BMS1: variants seen among roughly 807,000 people sequenced by gnomAD.
The protein encoded by BMS1 is ribosome biogenesis protein BMS1 homolog.
In BMS1, 53 loss-of-function variants were observed where a neutral mutation model predicts 138.7. The ratio of observed to expected loss-of-function variants is 0.38; its 90% CI spans 0.31 to 0.48. The LOEUF is 0.48. Ranked by LOEUF, BMS1 falls within the 20% of genes least tolerant of loss-of-function variation. The pLI, the probability that BMS1 is intolerant of heterozygous loss-of-function variation, is 0.97. For synonymous variants in BMS1, 504 were observed against 539.9 expected (o/e 0.93, Z 0.92); for missense variants, 1,360 against 1,565.5 (o/e 0.87, Z 2.22).
At chr10:42,802,759 C>T (rs1348427977) in intron 13 of BMS1, among the ~76,000 whole-genome samples, 1 of 150,492 alleles carries the variant, frequency 6.6e-6, no homozygotes, top group Non-Finnish European at 1.5e-5. Flanking sequence ...TCAAATATTT[C>T]ATTTTTATTA....
In BMS1 at chr10:42,796,646, G is replaced by A. The variant is rs765380765; in HGVS notation, c.1402G>A (p.Glu468Lys). 5.9e-5 allele frequency: 96 copies of A among 1,614,084 alleles called. No homozygotes were observed. The highest frequency in any genetic ancestry group is 7.7e-5 in the Non-Finnish European group (91 of 1,180,046). ...CTCTAGTGATGAGGAAGCAGAAGAG[G>A]AGGAAAATGCTGAGATGACTGATCA... is the stretch of plus-strand genomic sequence containing the variant. ...NGSSDEEAEE[E>K]ENAEMTDQYM... The change falls in exon 10 of 23, where the codon GAG (glutamate) becomes AAG (lysine). Residue 468 changes from glutamate to lysine, a missense_variant. Glu to Lys is a moderately conservative substitution (Grantham distance 56). Around this residue, in one of 3 missense-constraint regions of BMS1, gnomAD observed 697 missense variants for 686.2 expected, o/e 1.02. Coordinates refer to ENST00000374518, the MANE Select transcript of BMS1 (RefSeq NM_014753.4).
In BMS1 at chr10:42,796,470, A is replaced by G; in HGVS notation, c.1230-4A>G. ...AATTATTTTGTATTTCCTTGGTAAT[A>G]CAGGCTAATGATGCCAAAGGAGGAA... On this transcript the variant is annotated splice_polypyrimidine_tract_variant and splice_region_variant and intron_variant, in intron 9 of 22. Coordinates refer to ENST00000374518, the MANE Select transcript of BMS1 (RefSeq NM_014753.4). 1 of 1,605,888 alleles carries G rather than the reference A, an allele frequency of 6.2e-7. No homozygotes were observed. Among genetic ancestry groups the G allele is most frequent in the Non-Finnish European group, 8.5e-7 (1 of 1,173,702 alleles).
chr10:42,793,793 C>T (rs776135850), intron 8 of BMS1, 59 bp from the exon 9 acceptor site: 10 of 1,543,486 alleles, frequency 6.5e-6, no homozygotes, highest in Middle Eastern at 2.4e-4. Flanking sequence ...GAGTGAAGCT[C>T]GTGTCTCTCC....
Position 42,823,745 on chromosome 10 carries a change from T to C in BMS1, c.3417T>C (p.His1139=). ...CCACGGGCCAACTCAGGCTCGCCCA[T>C]GGCGTCAGACTAAAGGCGAACAAGG... ...MRTTGQLRLA[H]GVRLKANKDS... is the part of the protein sequence containing the mutation. The change falls in exon 21 of 23, where the codon CAT becomes CAC. Residue 1139 remains histidine (H), a synonymous_variant. Transcript: ENST00000374518. 1 of 1,595,636 alleles carries C rather than the reference T, an allele frequency of 6.3e-7. No individual in the cohort carries two copies. Among genetic ancestry groups the C allele is most frequent in the Non-Finnish European group, 8.5e-7 (1 of 1,179,490 alleles).
intron 4 of BMS1, among the ~76,000 whole-genome samples, chr10:42,789,455 T>C (rs769536425): frequency 3.3e-5 from 5 of 152,220 alleles, no homozygotes; most frequent in African/African-American, 4.8e-5. Context: ...AGAACAGAAA[T>C]GTTTTTAATA....
chr10:42,796,204 T>C (rs1249873210), intron 9 of BMS1, among the ~76,000 whole-genome samples: 2 of 152,220 alleles, frequency 1.3e-5, no homozygotes, highest in Non-Finnish European at 2.9e-5. Flanking sequence ...TTTTGAGCAA[T>C]TTTTTTCTAA....
At chr10:42,825,682 T>C (rs531379559) in intron 21 of BMS1, among the ~76,000 whole-genome samples, 5 of 152,360 alleles carry the variant, frequency 3.3e-5, no homozygotes, top group African/African-American at 1.2e-4. Flanking sequence ...TTCTCACACT[T>C]TTTTGTGGAA....
At chr10:42,827,279 G>T (rs1842675142) in intron 21 of BMS1, among the ~76,000 whole-genome samples, 1 of 152,134 alleles carries the variant, frequency 6.6e-6, no homozygotes, top group African/African-American at 2.4e-5. Context: ...TCAGACACAA[G>T]CAGGGTGAGC....
Position 42,818,110 on chromosome 10 carries a change from G to A in BMS1, c.2580+616G>A, listed in dbSNP as rs531939472. ...AGTTGATGGTGAGCATCTGAGTTGC[G>A]TCTTGTTAGTGAGGCCAGGAGTGCC... On this transcript the variant is annotated intron_variant, in intron 15 of 22. Transcript: ENST00000374518. 3.9e-5 allele frequency among the ~76,000 whole-genome samples: 6 copies of A among 152,284 alleles called. No homozygotes were observed. In the South Asian group the frequency reaches 6.2e-4, roughly 16 times the overall value.
rs755782637 is a variant in BMS1, at chr10:42,784,386, A to G, written c.-9A>G. Reference sequence around the variant, plus strand: ...GGTTAGAGTTACTTGTTATTGGTAAATAGCCACTATGGAGGCTAAGGACCA... The same window carrying G: ...GGTTAGAGTTACTTGTTATTGGTAAGTAGCCACTATGGAGGCTAAGGACCA... On this transcript the variant is annotated 5_prime_UTR_variant, in exon 2 of 23. Transcript: ENST00000374518. 2 of 1,590,722 alleles carry G rather than the reference A, an allele frequency of 1.3e-6. No individual in the cohort carries two copies. The highest frequency in any genetic ancestry group is 1.8e-5 in the Admixed American group (1 of 57,056).
intron 13 of BMS1, among the ~76,000 whole-genome samples, chr10:42,814,256 C>T (rs1229331234): frequency 1.3e-5 from 2 of 152,140 alleles, no homozygotes; most frequent in East Asian, 1.9e-4. Flanking sequence ...CCCACAGGTC[C>T]GTGCAGCTCT....
At chr10:42,812,407 T>C (rs1165828974) in intron 13 of BMS1, among the ~76,000 whole-genome samples, 20 of 152,234 alleles carry the variant, frequency 1.3e-4, no homozygotes, top group Non-Finnish European at 5.9e-5. Flanking sequence ...CCCAGAGTGC[T>C]GGGATTACAG....
Position 42,798,601 on chromosome 10 carries a change from C to G in BMS1, c.2223C>G (p.Ala741=), listed in dbSNP as rs754146215. ...SLDCSRFLVE[A]PHDWDLEEVM... ...ACTGCTCCAGATTTCTTGTGGAGGC[C>G]CCCCATGACTGGGATTTAGAGGAGG... The change falls in exon 12 of 23, where the codon GCC becomes GCG. Residue 741 remains alanine, a synonymous_variant. Transcript: ENST00000374518. The G allele has an allele frequency of 4.3e-6, 7 of 1,614,168 alleles. No individual in the cohort carries two copies. The highest frequency in any genetic ancestry group is 5.9e-6 in the Non-Finnish European group (7 of 1,180,036).
At position 42,797,473 on chromosome 10, in the gene BMS1, T is replaced by C; in HGVS notation, c.2039T>C (p.Leu680Pro). The change falls in exon 11 of 23, where the codon CTG becomes CCG. Residue 680 changes from leucine to proline, a missense_variant. This residue lies in a region of BMS1 where 697 missense variants were observed against 686.2 expected (regional missense o/e 1.02). Coordinates refer to ENST00000374518, the MANE Select transcript of BMS1 (RefSeq NM_014753.4). ...TCCAGAAAGGCAGCTGAGGCCTTTC[T>C]GAGGCAGCAGCAAGCAGCTCCAAAC... Reference protein sequence around the residue: ...DLSRKAAEAFLRQQQAAPNLR... With the variant: ...DLSRKAAEAFPRQQQAAPNLR... The C allele has an allele frequency of 6.2e-7, 1 of 1,614,248 alleles. No individual in the cohort carries two copies.
At position 42,793,070 on chromosome 10, in the gene BMS1, C is replaced by A. The variant is rs1171447997; in HGVS notation, c.1015C>A (p.Leu339Ile). The A allele has an allele frequency of 6.2e-7, 1 of 1,614,014 alleles. No individual in the cohort carries two copies. Among genetic ancestry groups the A allele is most frequent in the Non-Finnish European group, 8.5e-7 (1 of 1,179,956 alleles). ...GAAGGAGAAGCTGGTTTATGCGCCTCTTTCTGGAGTTGGGGGTGTGCTGTA... is the reference window on the plus strand; with the variant it reads ...GAAGGAGAAGCTGGTTTATGCGCCTATTTCTGGAGTTGGGGGTGTGCTGTA... ...NEKEKLVYAPLSGVGGVLYDK... is the reference protein window; with the variant it reads ...NEKEKLVYAPISGVGGVLYDK... Residue 339 changes from leucine to isoleucine, a missense_variant, in exon 8 of 23, where the codon CTT (leucine) becomes ATT (isoleucine). Around this residue, in one of 3 missense-constraint regions of BMS1, gnomAD observed 697 missense variants for 686.2 expected, o/e 1.02. Transcript: ENST00000374518.
Position 42,807,296 on chromosome 10 carries a change from CTA to C in BMS1, c.2329+5081_2329+5082del, listed in dbSNP as rs144901294. On this transcript the variant is annotated intron_variant, in intron 13 of 22. Coordinates refer to ENST00000374518, the MANE Select transcript of BMS1 (RefSeq NM_014753.4). ...TGTTAAATAAACAGAATCATACAGT[CTA>C]TAAACTTTTGTGAGGGGCTTTTTTC... 3.8e-3 allele frequency among the ~76,000 whole-genome samples: 585 copies of C among 152,306 alleles called. 6 individuals are homozygous for C. Among genetic ancestry groups the C allele is most frequent in the African/African-American group, 0.013 (539 of 41,554 alleles).
intron 21 of BMS1, 61 bp downstream of exon 21, chr10:42,823,845 C>T: frequency 7.7e-7 from 1 of 1,304,678 alleles, no homozygotes; most frequent in South Asian, 2.6e-5. Context: ...GGGAGTCACA[C>T]AGACACTTTT....
At chr10:42,825,847 A>G (rs974949982) in intron 21 of BMS1, among the ~76,000 whole-genome samples, 2 of 152,204 alleles carry the variant, frequency 1.3e-5, no homozygotes, top group Non-Finnish European at 2.9e-5. Flanking sequence ...CTTGTATTCA[A>G]TCTTAGTGGA....
rs1052214258 is a variant in BMS1, at chr10:42,833,277, C to A, written c.*2181C>A. 9.2e-5 allele frequency: 14 copies of A among 152,174 alleles called. No homozygotes were observed. Among genetic ancestry groups the A allele is most frequent in the Non-Finnish European group, 1.8e-4 (12 of 68,026 alleles). 9.4% of individuals were successfully genotyped at this position (152,174 alleles called of 1,614,324 possible). ...TATTTAAACTAAAGTTAAGGAATCT[C>A]TAATGTCTGAAAGAAACAATAAATA... On this transcript the variant is annotated 3_prime_UTR_variant, in exon 23 of 23. Transcript: ENST00000374518.
Sources: gnomAD v4.1 joint callset for allele counts (sites outside exome capture counted in the v4.1 genomes callset) on GRCh38, gnomAD v4.1.1 for gene constraint, gnomAD v4.1.1 regional missense constraint, MANE v1.5 for transcripts, NCBI Gene and HGNC (gene_info 2026-07-23, HGNC 2026-07-21) for gene names.